CIMIP6: variants seen among roughly 807,000 people sequenced by gnomAD.
CIMIP6 encodes the protein ciliary microtubule inner protein 6, also known as uncharacterized protein C2orf73.
At chr2:54,381,801 C>A in the CIMIP6 span, 1 of 1,508,380 alleles carries the variant, frequency 6.6e-7, no homozygotes, top group African/African-American at 1.4e-5. Context: ...AACCATCAGA[C>A]TTTTTCCCAT....
the CIMIP6 span, among the ~76,000 whole-genome samples, chr2:54,353,847 G>A: frequency 1.3e-5 from 2 of 151,978 alleles, no homozygotes; most frequent in East Asian, 3.9e-4. Context: ...GTCTTTCATC[G>A]AGCAGTTCTC....
chr2:54,358,089 C>T, the CIMIP6 span, among the ~76,000 whole-genome samples: 2 of 152,202 alleles, frequency 1.3e-5, no homozygotes, highest in East Asian at 3.8e-4. Context: ...ATATACTCAT[C>T]ACCCAGATTG....
the CIMIP6 span, among the ~76,000 whole-genome samples, chr2:54,370,470 G>C: frequency 6.6e-6 from 1 of 151,776 alleles, no homozygotes; most frequent in African/African-American, 2.4e-5. Context: ...AAGACGACTA[G>C]TAAACTTGGA....
chr2:54,350,751 G>C, the CIMIP6 span, among the ~76,000 whole-genome samples: 5 of 152,160 alleles, frequency 3.3e-5, no homozygotes, highest in Non-Finnish European at 5.9e-5. Flanking sequence ...TGAGAGTTTA[G>C]GAGTAGCCAA....
chr2:54,361,510 A>G, the CIMIP6 span: 2 of 152,256 alleles, frequency 1.3e-5, no homozygotes, highest in Non-Finnish European at 2.9e-5. Context: ...TATTATCTGC[A>G]GTATTGATAA....
At chr2:54,363,342 C>G in the CIMIP6 span, among the ~76,000 whole-genome samples, 36 of 152,154 alleles carry the variant, frequency 2.4e-4, no homozygotes, top group Non-Finnish European at 4.1e-4. Flanking sequence ...TCGGTAGCTA[C>G]TTGGGCATTA....
At chr2:54,331,529 T>A in the CIMIP6 span, among the ~76,000 whole-genome samples, 1 of 150,134 alleles carries the variant, frequency 6.7e-6, no homozygotes, top group African/African-American at 2.5e-5. Context: ...GCCTATGGAG[T>A]CTACACAACA....
At chr2:54,331,002 G>T in the CIMIP6 span, 2 of 1,613,674 alleles carry the variant, frequency 1.2e-6, no homozygotes, top group Non-Finnish European at 1.7e-6. Context: ...ATAAGCATCA[G>T]TAAGTGCTGG....
At chr2:54,349,492 C>T in the CIMIP6 span, among the ~76,000 whole-genome samples, 1 of 152,164 alleles carries the variant, frequency 6.6e-6, no homozygotes, top group Non-Finnish European at 1.5e-5. Context: ...TTAGAAAATT[C>T]TAATTTTAAT....
the CIMIP6 span, among the ~76,000 whole-genome samples, chr2:54,356,305 G>A: frequency 3.9e-5 from 6 of 152,290 alleles, no homozygotes; most frequent in East Asian, 1.9e-4. Flanking sequence ...ACTTCTGCGC[G>A]CTTCTGCTAT....
At chr2:54,370,750 C>G in the CIMIP6 span, among the ~76,000 whole-genome samples, 2 of 152,178 alleles carry the variant, frequency 1.3e-5, no homozygotes, top group Non-Finnish European at 2.9e-5. Context: ...TGGGCTGTGA[C>G]CCACCAAGGC....
chr2:54,381,726 G>A, the CIMIP6 span: 1 of 1,363,664 alleles, frequency 7.3e-7, no homozygotes, highest in South Asian at 1.8e-5. Context: ...GCCCTTTTGA[G>A]GCTTGAATGA....
At chr2:54,383,737 G>C in the CIMIP6 span, 3 of 151,568 alleles carry the variant, frequency 2.0e-5, no homozygotes, top group Non-Finnish European at 4.4e-5. Flanking sequence ...TGGTTTGACT[G>C]TGTCCTCCAA....
the CIMIP6 span, among the ~76,000 whole-genome samples, chr2:54,342,957 C>T: frequency 6.6e-6 from 1 of 152,206 alleles, no homozygotes; most frequent in Non-Finnish European, 1.5e-5. Context: ...TCTACTCTCT[C>T]AACTTCCAAG....
At chr2:54,358,128 G>C in the CIMIP6 span, among the ~76,000 whole-genome samples, 14 of 152,270 alleles carry the variant, frequency 9.2e-5, no homozygotes, top group Non-Finnish European at 1.8e-4. Flanking sequence ...ATTTTTAAAG[G>C]ATTTCATACT....
At chr2:54,358,637 C>T in the CIMIP6 span, among the ~76,000 whole-genome samples, 2 of 152,108 alleles carry the variant, frequency 1.3e-5, no homozygotes, top group Non-Finnish European at 2.9e-5. Flanking sequence ...TCAAGCAATC[C>T]TCCTGTCTTG....
the CIMIP6 span, among the ~76,000 whole-genome samples, chr2:54,373,532 T>C: frequency 1.8e-3 from 273 of 152,190 alleles, 1 homozygote; most frequent in African/African-American, 6.2e-3. Context: ...CAGGTAGCCT[T>C]CCTGGGATAT....
the CIMIP6 span, among the ~76,000 whole-genome samples, chr2:54,336,802 G>A: frequency 1.3e-5 from 2 of 152,166 alleles, no homozygotes; most frequent in African/African-American, 4.8e-5. Context: ...AAGACCAGAG[G>A]GAGAGTGAGG....
chr2:54,379,973 T>G, the CIMIP6 span, among the ~76,000 whole-genome samples: 1 of 134,644 alleles, frequency 7.4e-6, no homozygotes, highest in East Asian at 2.6e-4. Context: ...GTGAAAGTCC[T>G]TCTAAAAAAA....
Sources: allele counts gnomAD v4.1 joint callset (sites outside exome capture counted in the v4.1 genomes callset), GRCh38; gene constraint gnomAD v4.1.1; transcripts MANE v1.5; gene names NCBI Gene and HGNC (gene_info 2026-07-23, HGNC 2026-07-21).